RNFT2: variants seen among roughly 807,000 people sequenced by gnomAD.
The protein encoded by RNFT2 is ring finger protein, transmembrane 2.
In RNFT2, 36 loss-of-function variants were observed where a neutral mutation model predicts 53.0. The observed-to-expected ratio is 0.68, with a 90% CI of 0.52 to 0.90. The LOEUF (loss-of-function observed/expected upper bound fraction) is 0.90, where lower values mean the gene tolerates loss of function less well. RNFT2 is among the 40% of genes least tolerant of loss of function. The pLI is 0.00. For synonymous variants in RNFT2, 260 were observed against 253.2 expected, an observed-to-expected ratio of 1.03 and a Z score of -0.26; for missense variants, 514 against 585.6, an observed-to-expected ratio of 0.88 and a Z score of 1.26.
At chr12:116,847,832 T>A (rs1877697835) in intron 10 of RNFT2, among the ~76,000 whole-genome samples, 1 of 152,134 alleles carries the variant, frequency 6.6e-6, no homozygotes, top group South Asian at 2.1e-4. Flanking sequence ...TGGCCCTCTC[T>A]CTTTTTTAAA....
At position 116,772,293 on chromosome 12, in the gene RNFT2, A is replaced by G. The variant is rs553551023; in HGVS notation, c.728+5379A>G. Among the ~76,000 whole-genome samples, 218 of 152,086 alleles carry G rather than the reference A, an allele frequency of 1.4e-3. 1 individual carries two copies. The highest frequency in any genetic ancestry group is 5.1e-3 in the African/African-American group (212 of 41,502). The stretch of plus-strand genomic sequence containing the variant: ...AGTTACTTATATTTCTAATTTCAAA[A>G]GTAATTTTTATTTTATTTTGTTTTT... On this transcript the variant is annotated intron_variant, in intron 6 of 10. Coordinates refer to ENST00000257575, the MANE Select transcript of RNFT2 (RefSeq NM_001382266.1).
Position 116,766,866 on chromosome 12 carries a change from A to G in RNFT2, c.680A>G (p.Asn227Ser). The change falls in exon 6 of 11, where the codon AAC (asparagine) becomes AGC (serine). Residue 227 changes from asparagine (N) to serine (S), a missense_variant. Physicochemically the swap from Asn to Ser is conservative, Grantham distance 46. Coordinates refer to ENST00000257575, the MANE Select transcript of RNFT2 (RefSeq NM_001382266.1). ...ILWILAFLAG[N>S]TLYVLYTFSS... The stretch of plus-strand genomic sequence containing the variant: ...TGGATCCTGGCCTTTCTGGCGGGGA[A>G]CACCCTCTATGTGCTTTATACATTC... The G allele has an allele frequency of 6.3e-7, 1 of 1,598,460 alleles. No individual in the cohort carries two copies. The highest frequency in any genetic ancestry group is 8.5e-7 in the Non-Finnish European group (1 of 1,172,204).
At chr12:116,836,367 G>C in intron 10 of RNFT2, 85 bp downstream of exon 10, 4 of 1,155,482 alleles carry the variant, frequency 3.5e-6, no homozygotes, top group Non-Finnish European at 5.0e-6. Flanking sequence ...CGGGTCTCTG[G>C]CATGGGTCTC....
intron 7 of RNFT2, among the ~76,000 whole-genome samples, chr12:116,808,099 G>T (rs1456777698): frequency 6.6e-6 from 1 of 152,072 alleles, no homozygotes; most frequent in Admixed American, 6.6e-5. Flanking sequence ...AAATAACTGG[G>T]ATTACAGGCG....
chr12:116,827,335 G>T (rs117918140), intron 7 of RNFT2, among the ~76,000 whole-genome samples: 1 of 152,134 alleles, frequency 6.6e-6, no homozygotes, highest in African/African-American at 2.4e-5. Flanking sequence ...TTTCATAGGC[G>T]GTGACAGTTA....
chr12:116,849,691 A>C lies in RNFT2; in HGVS notation c.*243A>C, dbSNP rs1489735572. The C allele has an allele frequency of 3.2e-6, 4 of 1,250,440 alleles. No individual in the cohort carries two copies. The highest frequency in any genetic ancestry group is 2.0e-6 in the Non-Finnish European group (2 of 995,428). 77.5% of individuals were successfully genotyped at this position (1,250,440 alleles called of 1,614,324 possible). A position where few individuals can be genotyped will look rare whatever the true frequency, so the allele number is the denominator to read the frequency against. ...GGGACGTCTTCCTAACTCAGACTTG[A>C]TGCCCTTCTAGATGCATCTTCCTTC... On this transcript the variant is annotated 3_prime_UTR_variant, in exon 11 of 11. Coordinates refer to ENST00000257575, the MANE Select transcript of RNFT2 (RefSeq NM_001382266.1).
chr12:116,798,137 A>G (rs1874594044), intron 7 of RNFT2, among the ~76,000 whole-genome samples: 1 of 152,120 alleles, frequency 6.6e-6, no homozygotes, highest in Non-Finnish European at 1.5e-5. Context: ...TGACAGGCAC[A>G]GAGGAAAGAT....
chr12:116,755,677 A>C, intron 5 of RNFT2: 1 of 1,482,802 alleles, frequency 6.7e-7, no homozygotes, highest in Non-Finnish European at 9.3e-7. Flanking sequence ...GCTGGGTAAC[A>C]TTGTAGACTC....
chr12:116,823,553 G>A (rs763608052), intron 7 of RNFT2, among the ~76,000 whole-genome samples: 4 of 152,240 alleles, frequency 2.6e-5, no homozygotes, highest in East Asian at 1.9e-4. Flanking sequence ...GCGCCGTGGC[G>A]CATACCTATA....
At chr12:116,837,334 C>A (rs916286696) in intron 10 of RNFT2, among the ~76,000 whole-genome samples, 19 of 151,866 alleles carry the variant, frequency 1.3e-4, no homozygotes, top group African/African-American at 4.6e-4. Flanking sequence ...AACTGTGAAG[C>A]AAGGCAGGCA....
At chr12:116,755,971 T>C (rs1375313152) in intron 5 of RNFT2, 1 of 761,910 alleles carries the variant, frequency 1.3e-6, no homozygotes, top group East Asian at 2.6e-5. Context: ...ACTATGGCCT[T>C]ATAGTATAGG....
chr12:116,756,482 TA>T lies in RNFT2; in HGVS notation c.627+2423del, dbSNP rs1452905744. Among the ~76,000 whole-genome samples the T allele has an allele frequency of 4.6e-4, 70 of 152,296 alleles. 2 individuals carry two copies. In the South Asian group the frequency reaches 0.014, roughly 31 times the overall value. On this transcript the variant is annotated intron_variant, in intron 5 of 10. Coordinates refer to ENST00000257575, the MANE Select transcript of RNFT2 (RefSeq NM_001382266.1). Reference sequence around the variant, plus strand: ...CTGTGGGTTTATCATAGATGGCTTTTATTACACTAAGGTATGTCCCTTGTAT... The same window carrying T: ...CTGTGGGTTTATCATAGATGGCTTTTTTACACTAAGGTATGTCCCTTGTAT...
At chr12:116,780,879 C>T (rs1873667785) in intron 7 of RNFT2, among the ~76,000 whole-genome samples, 1 of 152,094 alleles carries the variant, frequency 6.6e-6, no homozygotes, top group Non-Finnish European at 1.5e-5. Flanking sequence ...TGGACTTTGG[C>T]ATCAGACACA....
At chr12:116,816,068 G>A (rs1275658152) in intron 7 of RNFT2, among the ~76,000 whole-genome samples, 6 of 152,194 alleles carry the variant, frequency 3.9e-5, no homozygotes, top group Admixed American at 3.9e-4. Context: ...TAGCTGACTT[G>A]GGGACAGATA....
chr12:116,837,318 A>T (rs140773538), intron 10 of RNFT2, among the ~76,000 whole-genome samples: 2 of 152,218 alleles, frequency 1.3e-5, no homozygotes, highest in East Asian at 3.9e-4. Context: ...AGACACTTAC[A>T]TAAATAACTG....
chr12:116,819,368 G>C (rs1257655319), intron 7 of RNFT2, among the ~76,000 whole-genome samples: 1 of 152,144 alleles, frequency 6.6e-6, no homozygotes, highest in Non-Finnish European at 1.5e-5. Context: ...CCGGAGGCCA[G>C]ACCCGGAGCC....
intron 10 of RNFT2, among the ~76,000 whole-genome samples, chr12:116,836,544 T>C (rs1400151837): frequency 6.6e-6 from 1 of 152,196 alleles, no homozygotes; most frequent in Non-Finnish European, 1.5e-5. Context: ...CATCAAAATA[T>C]CCTGCATGTG....
At chr12:116,799,112 G>A (rs934128776) in intron 7 of RNFT2, among the ~76,000 whole-genome samples, 1 of 152,198 alleles carries the variant, frequency 6.6e-6, no homozygotes, top group Non-Finnish European at 1.5e-5. Context: ...TAAGGTTGTT[G>A]GCAGAATCAG....
At chr12:116,803,691 G>A (rs1874913237) in intron 7 of RNFT2, among the ~76,000 whole-genome samples, 1 of 152,244 alleles carries the variant, frequency 6.6e-6, no homozygotes, top group African/African-American at 2.4e-5. Flanking sequence ...CTTCTTCCAT[G>A]GAATGAAATC....
Sources: gnomAD v4.1 joint callset for allele counts (sites outside exome capture counted in the v4.1 genomes callset) on GRCh38, gnomAD v4.1.1 for gene constraint, MANE v1.5 for transcripts, NCBI Gene and HGNC (gene_info 2026-07-23, HGNC 2026-07-21) for gene names.